Variants in PTPN22 observed in about 807,000 individuals in gnomAD.
PTPN22 encodes tyrosine-protein phosphatase non-receptor type 22.
PTPN22 carries 85 observed loss-of-function variants against 103.3 expected under a neutral mutation model. That is an observed-to-expected ratio of 0.82 (90% CI 0.69 to 0.99). The LOEUF (loss-of-function observed/expected upper bound fraction) is 0.99, where lower values mean the gene tolerates loss of function less well. Ranked by LOEUF, PTPN22 falls within the 50% of genes least tolerant of loss-of-function variation. PTPN22 has a pLI of 0.00. For synonymous variants in PTPN22, 323 were observed against 310.2 expected (o/e 1.04, Z -0.43); for missense variants, 865 against 936.9 (o/e 0.92, Z 1.00).
At chr1:113,843,008 G>C (rs1022008179) in intron 11 of PTPN22, among the ~76,000 whole-genome samples, 2 of 138,760 alleles carry the variant, frequency 1.4e-5, no homozygotes, top group East Asian at 4.1e-4. Context: ...GCTGAGGCAG[G>C]AGAATGGCGT....
chr1:113,836,200 G>T (rs542366871), intron 13 of PTPN22, among the ~76,000 whole-genome samples: 1 of 152,244 alleles, frequency 6.6e-6, no homozygotes, highest in South Asian at 2.1e-4. Flanking sequence ...TGTAGAATGT[G>T]CTTTACAAAT....
At chr1:113,835,108 A>C in intron 13 of PTPN22, 115 bp from the exon 14 acceptor site, 1 of 567,692 alleles carries the variant, frequency 1.8e-6, no homozygotes, top group South Asian at 6.1e-5. Context: ...AATTCCGTTG[A>C]AGCAACATTA....
intron 5 of PTPN22, chr1:113,857,514 T>C: frequency 2.3e-6 from 1 of 443,342 alleles, no homozygotes; most frequent in Non-Finnish European, 4.1e-6. Flanking sequence ...AAGCATACCT[T>C]GTTTTTAACT....
intron 16 of PTPN22, among the ~76,000 whole-genome samples, chr1:113,830,405 A>G (rs1389931264): frequency 1.3e-5 from 2 of 152,138 alleles, no homozygotes; most frequent in Non-Finnish European, 2.9e-5. Flanking sequence ...AAGACAAATG[A>G]CCCACTCTCT....
intron 11 of PTPN22, among the ~76,000 whole-genome samples, chr1:113,842,789 A>G (rs1663671174): frequency 6.6e-6 from 1 of 151,564 alleles, no homozygotes; most frequent in African/African-American, 2.4e-5. Context: ...GCTATGGAAA[A>G]GAGTATGGCT....
chr1:113,838,623 T>G lies in PTPN22; in HGVS notation c.916-3A>C. 6.2e-7 allele frequency: 1 copy of G among 1,611,704 alleles called. No homozygotes were observed. Among genetic ancestry groups the G allele is most frequent in the Non-Finnish European group, 8.5e-7 (1 of 1,179,056 alleles). ...GGAATACAATGCTTTGCTTGACTCT[T>G]TAAAAGAAATAAGTCAGAGGCTGGT... On this transcript the variant is annotated splice_region_variant and splice_polypyrimidine_tract_variant and intron_variant, in intron 11 of 20. Coordinates refer to ENST00000359785, the Ensembl canonical transcript of PTPN22.
chr1:113,823,142 C>T (rs1041358296), intron 19 of PTPN22: 12 of 149,838 alleles, frequency 8.0e-5, no homozygotes, highest in African/African-American at 3.1e-4. Context: ...CCTCACCAAA[C>T]TTACATTCCA....
chr1:113,852,765 A>C (rs1025599884), intron 9 of PTPN22, among the ~76,000 whole-genome samples: 1 of 152,220 alleles, frequency 6.6e-6, no homozygotes. Flanking sequence ...TTGGAAAACA[A>C]ACATTAAAGG....
intron 20 of PTPN22, 159 bp downstream of exon 20, chr1:113,819,418 A>T: frequency 2.3e-6 from 1 of 438,784 alleles, no homozygotes; most frequent in Non-Finnish European, 4.0e-6. Context: ...GTTAAGAGGT[A>T]GTTAAGGTTA....
intron 10 of PTPN22, among the ~76,000 whole-genome samples, chr1:113,851,154 T>TA (rs1170376399): frequency 1.1e-5 from 1 of 87,706 alleles, no homozygotes; most frequent in African/African-American, 4.5e-5. Context: ...AGTGTGATTG[T>TA]AATTTTTTTT....
chr1:113,834,462 CGG>C, intron 14 of PTPN22, 23 bp from the exon 15 acceptor site: 4 of 1,602,726 alleles, frequency 2.5e-6, no homozygotes, highest in Non-Finnish European at 3.4e-6. Flanking sequence ...GAATATAGTT[CGG>C]TTCTTAAGAA....
At chr1:113,854,288 G>A (rs1201749305) in intron 9 of PTPN22, among the ~76,000 whole-genome samples, 183 bp downstream of exon 9, 1 of 152,134 alleles carries the variant, frequency 6.6e-6, no homozygotes, top group African/African-American at 2.4e-5. Context: ...CTTCTTGTCT[G>A]GGGACCACCC....
At chr1:113,860,981 T>C (rs920246460) in intron 1 of PTPN22, among the ~76,000 whole-genome samples, 2 of 152,190 alleles carry the variant, frequency 1.3e-5, no homozygotes, top group Non-Finnish European at 2.9e-5. Flanking sequence ...ATGTGTGTCC[T>C]ATATTTGTTT....
At chr1:113,856,670 T>C in intron 5 of PTPN22, 51 bp from the exon 6 acceptor site, 1 of 1,612,388 alleles carries the variant, frequency 6.2e-7, no homozygotes, top group African/African-American at 1.3e-5. Flanking sequence ...TTCTAGTCTT[T>C]TCCACTCTCT....
At chr1:113,845,343 C>G (rs1663964268) in intron 11 of PTPN22, among the ~76,000 whole-genome samples, 1 of 151,768 alleles carries the variant, frequency 6.6e-6, no homozygotes, top group South Asian at 2.1e-4. Context: ...ACTGGGATTA[C>G]AGGTGCCCAC....
intron 8 of PTPN22, 151 bp from the exon 9 acceptor site, chr1:113,854,688 T>C: frequency 1.0e-6 from 1 of 985,084 alleles, no homozygotes; most frequent in Non-Finnish European, 1.5e-6. Context: ...CCAGAGCCCA[T>C]TTGTCATGCA....
intron 1 of PTPN22, among the ~76,000 whole-genome samples, chr1:113,868,722 A>C (rs1438937880): frequency 6.6e-6 from 1 of 152,124 alleles, no homozygotes; most frequent in Admixed American, 6.6e-5. Context: ...CCAGGGTAGG[A>C]CAGGACAGGG....
intron 20 of PTPN22, among the ~76,000 whole-genome samples, chr1:113,815,674 TTTTG>T (rs1190085979): frequency 1.3e-5 from 2 of 152,094 alleles, no homozygotes; most frequent in African/African-American, 4.8e-5. Flanking sequence ...GGTAGTGTCT[TTTTG>T]TTTGTTTGTT....
chr1:113,856,653 C>T (rs945745389), intron 5 of PTPN22, 34 bp from the exon 6 acceptor site: 12 of 1,613,866 alleles, frequency 7.4e-6, no homozygotes, highest in Non-Finnish European at 9.3e-6. Flanking sequence ...TGATTTCCCT[C>T]CATATATTCT....
Sources: gnomAD v4.1 joint callset for allele counts (sites outside exome capture counted in the v4.1 genomes callset) on GRCh38, gnomAD v4.1.1 for gene constraint, MANE v1.5 for transcripts, NCBI Gene and HGNC (gene_info 2026-07-23, HGNC 2026-07-21) for gene names.